The following PCDH15 variants were observed in gnomAD, a reference collection of about 807,000 sequenced individuals.
PCDH15 encodes protocadherin-15.
Under a neutral mutation model 178.5 loss-of-function variants are expected in PCDH15, and 129 were observed. The observed-to-expected ratio is 0.72, with a 90% confidence interval of 0.63 to 0.84. The LOEUF (loss-of-function observed/expected upper bound fraction) is 0.84. Among genes scored for constraint, PCDH15 ranks in the 40% least tolerant of loss-of-function variants. The pLI is 0.00. For synonymous variants in PCDH15, 800 were observed against 732.0 expected (o/e 1.09, Z -1.50); for missense variants, 2,230 against 2,099.9 (o/e 1.06, Z -1.21).
At position 54,558,669 on chromosome 10, in the gene PCDH15, A is replaced by G. The variant is rs536037090; in HGVS notation, c.92-30792T>C. ...TACTACATTATCATTCTTGGACTAA[A>G]CAGTTAAATTGTAGTTATTGTTCTT... On this transcript the variant is annotated intron_variant, in intron 2 of 37. Transcript: ENST00000644397. Among the ~76,000 whole-genome samples the G allele has an allele frequency of 8.5e-5, 13 of 152,206 alleles. No homozygotes were observed. The South Asian group carries it at 2.5e-3, about 29-fold the overall frequency.
rs2048183265 is a variant in PCDH15, at chr10:54,183,370, C to T, written c.1590+74G>A. 9.4e-6 allele frequency: 13 copies of T among 1,375,884 alleles called. No individual in the cohort carries two copies. The South Asian group carries it at 1.4e-4, about 15-fold the overall frequency. The allele number at this position is 1,375,884 out of a possible 1,614,324, so 85.2% of individuals were successfully genotyped here. A position where few individuals can be genotyped will look rare whatever the true frequency, so the allele number is the denominator to read the frequency against. On this transcript the variant is annotated intron_variant, in intron 13 of 37. Coordinates refer to ENST00000644397, the MANE Select transcript of PCDH15 (RefSeq NM_001384140.1). Reference sequence around the variant, plus strand: ...TCAATTTCTGTTTCTTAAGTAATTTCTTCATGAGCATATCGTATAATGCAC... The same window carrying T: ...TCAATTTCTGTTTCTTAAGTAATTTTTTCATGAGCATATCGTATAATGCAC...
At chr10:55,581,184 G>A (rs1041908063) in intron 2 of PCDH15, among the ~76,000 whole-genome samples, 17 of 152,170 alleles carry the variant, frequency 1.1e-4, no homozygotes, top group Admixed American at 9.8e-4. Flanking sequence ...AAACATACAG[G>A]AGACTTTTTT....
At position 55,175,979 on chromosome 10, in the gene PCDH15, C is replaced by T. The variant is rs111284941; in HGVS notation, c.-155-9328G>A. Among the ~76,000 whole-genome samples the T allele has an allele frequency of 3.6e-3, 554 of 152,138 alleles. 4 individuals are homozygous for T. Among genetic ancestry groups the T allele is most frequent in the African/African-American group, 0.012 (512 of 41,522 alleles). ...TGGGGACCACTGTAGGGTGGACTGT[C>T]CCGGGAGATGCAGGTTACCGGGTAC... On this transcript the variant is annotated intron_variant, in intron 1 of 5. Coordinates refer to the PCDH15 transcript ENST00000458638.
intron 2 of PCDH15, among the ~76,000 whole-genome samples, chr10:55,608,498 A>C (rs1000854028): frequency 6.6e-6 from 1 of 151,710 alleles, no homozygotes; most frequent in Non-Finnish European, 1.5e-5. Context: ...CGAGGTAAAA[A>C]TTAGATCTCT....
chr10:54,043,460 C>T lies in PCDH15; in HGVS notation c.2221-20263G>A, dbSNP rs540996853. Among the ~76,000 whole-genome samples, 5 of 152,090 alleles carry T rather than the reference C, an allele frequency of 3.3e-5. No individual in the cohort carries two copies. In the South Asian group the frequency reaches 1.0e-3, roughly 32 times the overall value. ...CCAGGCTGGAGTGCAGTGGCACAAC[C>T]ACAGCTCACTGCAGCTTTGACTTTC... On this transcript the variant is annotated intron_variant, in intron 18 of 37. Coordinates refer to ENST00000644397, the MANE Select transcript of PCDH15 (RefSeq NM_001384140.1).
chr10:54,201,258 T>C (rs2050203054), intron 10 of PCDH15, among the ~76,000 whole-genome samples: 1 of 152,186 alleles, frequency 6.6e-6, no homozygotes, highest in Non-Finnish European at 1.5e-5. Flanking sequence ...TCTATGTTAG[T>C]AAACTTGAGA....
chr10:54,488,168 T>C (rs1261458040), intron 3 of PCDH15, among the ~76,000 whole-genome samples: 6 of 151,874 alleles, frequency 4.0e-5, no homozygotes, highest in Admixed American at 3.9e-4. Context: ...CTAACATTAC[T>C]TTCACATATA....
intron 2 of PCDH15, among the ~76,000 whole-genome samples, chr10:55,449,312 G>A (rs1016705625): frequency 6.6e-6 from 1 of 151,970 alleles, no homozygotes; most frequent in Non-Finnish European, 1.5e-5. Flanking sequence ...TTTGTACAAT[G>A]TTGGTTCCAT....
At chr10:54,593,228 A>G (rs1590339534) in intron 2 of PCDH15, among the ~76,000 whole-genome samples, 1 of 152,084 alleles carries the variant, frequency 6.6e-6, no homozygotes, top group East Asian at 1.9e-4. Flanking sequence ...TTGCTCTCAT[A>G]TCCAAAAAAA....
chr10:55,006,922 G>A (rs1839941986), intron 2 of PCDH15, among the ~76,000 whole-genome samples: 1 of 151,844 alleles, frequency 6.6e-6, no homozygotes, highest in Non-Finnish European at 1.5e-5. Context: ...CTGGTGGGAG[G>A]TGTTTGAATC....
At chr10:54,571,230 G>A (rs940855580) in intron 2 of PCDH15, among the ~76,000 whole-genome samples, 1 of 151,316 alleles carries the variant, frequency 6.6e-6, no homozygotes, top group African/African-American at 2.4e-5. Flanking sequence ...CAAAGTTTTG[G>A]GGTACCTGGG....
chr10:54,106,527 T>C (rs1394585718), intron 15 of PCDH15, among the ~76,000 whole-genome samples: 1 of 152,222 alleles, frequency 6.6e-6, no homozygotes, highest in Non-Finnish European at 1.5e-5. Flanking sequence ...GTGAGTCTGG[T>C]CTTTATAAAG....
chr10:55,495,778 T>C (rs1410241411), intron 2 of PCDH15, among the ~76,000 whole-genome samples: 1 of 151,830 alleles, frequency 6.6e-6, no homozygotes, highest in African/African-American at 2.4e-5. Context: ...AAAAGCTGTA[T>C]ACAAATGTTC....
At chr10:54,275,593 T>C (rs927772832) in intron 8 of PCDH15, among the ~76,000 whole-genome samples, 11 of 151,808 alleles carry the variant, frequency 7.2e-5, no homozygotes, top group African/African-American at 2.4e-4. Context: ...CCTAGTAATA[T>C]TTCCCAAAGA....
chr10:55,523,073 T>A (rs1016374624), intron 2 of PCDH15, among the ~76,000 whole-genome samples: 14 of 151,682 alleles, frequency 9.2e-5, no homozygotes, highest in African/African-American at 3.4e-4. Flanking sequence ...TCTTTCACAG[T>A]TTTAATGTTA....
intron 2 of PCDH15, among the ~76,000 whole-genome samples, chr10:55,417,522 A>G (rs1838512850): frequency 6.6e-6 from 1 of 151,796 alleles, no homozygotes; most frequent in East Asian, 1.9e-4. Flanking sequence ...GCAAAACAAA[A>G]TAATGCATAA....
chr10:54,196,981 C>A (rs932906714), intron 10 of PCDH15, among the ~76,000 whole-genome samples: 2 of 152,108 alleles, frequency 1.3e-5, no homozygotes, highest in Non-Finnish European at 2.9e-5. Flanking sequence ...TTTGTTATTG[C>A]AGCTCAAAGA....
intron 2 of PCDH15, among the ~76,000 whole-genome samples, chr10:55,388,093 C>T (rs146264716): frequency 6.6e-6 from 1 of 151,980 alleles, no homozygotes; most frequent in African/African-American, 2.4e-5. Context: ...TAGTGGTCTG[C>T]GGAATAGATG....
intron 3 of PCDH15, among the ~76,000 whole-genome samples, chr10:54,515,354 T>C (rs964886124): frequency 6.6e-6 from 1 of 152,186 alleles, no homozygotes; most frequent in Non-Finnish European, 1.5e-5. Flanking sequence ...GAGGGTCCTA[T>C]GCCCATGGAG....
Sources: allele counts gnomAD v4.1 joint callset (sites outside exome capture counted in the v4.1 genomes callset), GRCh38; gene constraint gnomAD v4.1.1; transcripts MANE v1.5; gene names NCBI Gene and HGNC (gene_info 2026-07-23, HGNC 2026-07-21).